The following IQGAP1 variants were observed in gnomAD, a reference collection of about 807,000 sequenced individuals.
IQGAP1 encodes ras GTPase-activating-like protein IQGAP1.
Under a neutral mutation model 215.6 loss-of-function variants are expected in IQGAP1, and 66 were observed. That is an observed-to-expected ratio of 0.31 (90% CI 0.25 to 0.38). The LOEUF (loss-of-function observed/expected upper bound fraction) is 0.38. IQGAP1 is among the 10% of genes least tolerant of loss of function. The pLI is 1.00. For missense variants in IQGAP1, 1,712 were observed against 1,997.1 expected (o/e 0.86, Z 2.72); for synonymous variants, 772 against 728.7 (o/e 1.06, Z -0.96).
At position 90,449,654 on chromosome 15, in the gene IQGAP1, A is replaced by AT; in HGVS notation, c.1162+13dup. 6.2e-7 allele frequency: 1 copy of AT among 1,603,398 alleles called. No homozygotes were observed. Among genetic ancestry groups the AT allele is most frequent in the Non-Finnish European group, 8.5e-7 (1 of 1,173,578 alleles). On this transcript the variant is annotated intron_variant, in intron 11 of 37. Transcript: ENST00000268182. ...AGCAATATCAGAGAAGTAAGAGTCC[A>AT]TTGAAATTGTATGGGAGGAAAGTTG...
intron 35 of IQGAP1, among the ~76,000 whole-genome samples, chr15:90,493,372 G>C (rs1966232064): frequency 6.6e-6 from 1 of 152,134 alleles, no homozygotes; most frequent in South Asian, 2.1e-4. Flanking sequence ...CTGGGGACAA[G>C]ATCACAGGCT....
intron 7 of IQGAP1, 59 bp downstream of exon 7, chr15:90,440,674 T>A: frequency 1.9e-6 from 2 of 1,068,304 alleles, no homozygotes; most frequent in Non-Finnish European, 1.4e-6. Context: ...TTCCAATAAT[T>A]AATTCTATAG....
intron 9 of IQGAP1, 82 bp downstream of exon 9, chr15:90,443,560 A>G (rs1965482532): frequency 1.9e-5 from 15 of 777,880 alleles, no homozygotes; most frequent in Non-Finnish European, 2.7e-5. Context: ...CTTACAACAT[A>G]GTTTGATTTA....
chr15:90,460,839 A>T (rs1965750869), intron 15 of IQGAP1, among the ~76,000 whole-genome samples: 2 of 151,858 alleles, frequency 1.3e-5, no homozygotes, highest in Admixed American at 1.3e-4. Flanking sequence ...TCTTAACGAA[A>T]AATAAAAATA....
intron 8 of IQGAP1, among the ~76,000 whole-genome samples, chr15:90,442,672 G>GCCCA (rs1401712796): frequency 6.6e-6 from 1 of 152,016 alleles, no homozygotes; most frequent in Non-Finnish European, 1.5e-5. Context: ...ATCTGTATGT[G>GCCCA]CCCATTCTGC....
intron 28 of IQGAP1, 135 bp from the exon 29 acceptor site, chr15:90,483,226 C>T (rs1231567363): frequency 9.5e-6 from 6 of 629,876 alleles, no homozygotes; most frequent in Admixed American, 5.3e-5. Flanking sequence ...TGCATGCATG[C>T]GTGTGTATAT....
At chr15:90,409,923 G>C (rs1398803610) in intron 2 of IQGAP1, among the ~76,000 whole-genome samples, 2 of 152,120 alleles carry the variant, frequency 1.3e-5, no homozygotes, top group Non-Finnish European at 2.9e-5. Flanking sequence ...TTTTTCATGT[G>C]TCTGTTGGCT....
chr15:90,397,976 T>C (rs918210807), intron 2 of IQGAP1: 1 of 149,864 alleles, frequency 6.7e-6, no homozygotes, highest in Non-Finnish European at 1.5e-5. Context: ...CTCTGCCTTC[T>C]GGGTTCAAGC....
intron 18 of IQGAP1, among the ~76,000 whole-genome samples, chr15:90,469,467 A>G (rs1416182324): frequency 6.6e-6 from 1 of 152,232 alleles, no homozygotes; most frequent in East Asian, 1.9e-4. Flanking sequence ...TTACCCTTCC[A>G]GTGTTTCATC....
intron 23 of IQGAP1, 83 bp downstream of exon 23, chr15:90,474,776 G>C: frequency 9.4e-7 from 1 of 1,067,936 alleles, no homozygotes; most frequent in Non-Finnish European, 1.4e-6. Context: ...CTGGTGGGGA[G>C]GGTGGAGGCT....
intron 15 of IQGAP1, among the ~76,000 whole-genome samples, chr15:90,457,247 G>A (rs1297364084): frequency 1.3e-5 from 2 of 151,958 alleles, no homozygotes; most frequent in African/African-American, 4.8e-5. Flanking sequence ...CATACCTTAT[G>A]TGCTCTTTTG....
At chr15:90,474,436 G>A (rs181190778) in intron 22 of IQGAP1, 49 bp from the exon 23 acceptor site, 429 of 1,362,860 alleles carry the variant, frequency 3.1e-4, no homozygotes, top group Non-Finnish European at 4.1e-4. Context: ...TTCCTGAGAC[G>A]TAGTACTTTT....
chr15:90,408,645 A>G (rs1379118148), intron 2 of IQGAP1, among the ~76,000 whole-genome samples: 1 of 152,160 alleles, frequency 6.6e-6, no homozygotes, highest in Non-Finnish European at 1.5e-5. Context: ...CCTAAAAGTT[A>G]TACTAAACCT....
intron 2 of IQGAP1, among the ~76,000 whole-genome samples, chr15:90,392,306 C>T (rs1964646768): frequency 6.6e-6 from 1 of 152,120 alleles, no homozygotes; most frequent in African/African-American, 2.4e-5. Flanking sequence ...CATAGCAAGG[C>T]ATGCTATATC....
At chr15:90,418,690 T>C (rs545684249) in intron 2 of IQGAP1, among the ~76,000 whole-genome samples, 1 of 152,340 alleles carries the variant, frequency 6.6e-6, no homozygotes, top group East Asian at 1.9e-4. Flanking sequence ...ACTAGGCCTC[T>C]CCCTTAGTGC....
chr15:90,444,968 C>G (rs1402831864), intron 9 of IQGAP1, among the ~76,000 whole-genome samples: 2 of 152,020 alleles, frequency 1.3e-5, no homozygotes, highest in Non-Finnish European at 2.9e-5. Context: ...ACAAAAAATA[C>G]AAAAACTAGC....
chr15:90,440,249 A>T (rs980135369), intron 6 of IQGAP1, among the ~76,000 whole-genome samples: 15 of 152,256 alleles, frequency 9.9e-5, no homozygotes, highest in African/African-American at 3.6e-4. Context: ...AGCAATTTTG[A>T]AAAACTATTT....
Position 90,481,970 on chromosome 15 carries a change from T to TA in IQGAP1, c.3341dup (p.Tyr1114Ter). The TA allele has an allele frequency of 6.2e-7, 1 of 1,614,240 alleles. No homozygotes were observed. Among genetic ancestry groups the TA allele is most frequent in the Non-Finnish European group, 8.5e-7 (1 of 1,180,032 alleles). The change falls in exon 27 of 38, where the codon TAT (tyrosine) becomes TAAT (stop). Residue 1114 changes from tyrosine to a stop codon, truncating the protein, a stop_gained and frameshift_variant. Transcript: ENST00000268182. LOFTEE classifies it high-confidence loss of function. ...TTTCTGTCTTCCCAGCAAACTGCCC[T>TA]ATGATGTGACCCCTGAGCAGGCGCT... ...SQTGEASKLPYDVTPEQALAH... is the reference protein window; with the variant it reads ...SQTGEASKLP
chr15:90,419,829 G>T (rs1383249992), intron 2 of IQGAP1, among the ~76,000 whole-genome samples: 1 of 152,166 alleles, frequency 6.6e-6, no homozygotes, highest in African/African-American at 2.4e-5. Context: ...TGATACTCCT[G>T]TTCCATTTCA....
Sources: gnomAD v4.1 joint callset for allele counts (sites outside exome capture counted in the v4.1 genomes callset) on GRCh38, gnomAD v4.1.1 for gene constraint, MANE v1.5 for transcripts, NCBI Gene and HGNC (gene_info 2026-07-23, HGNC 2026-07-21) for gene names.